Variants in TASOR2 observed in about 807,000 individuals in gnomAD.
The protein encoded by TASOR2 is transcription activation suppressor family member 2, also known as protein TASOR 2.
In TASOR2, 84 loss-of-function variants were observed where a neutral mutation model predicts 199.5. That is an observed-to-expected ratio of 0.42 (90% confidence interval 0.35 to 0.50). The LOEUF is 0.50. Among genes scored for constraint, TASOR2 ranks in the 20% least tolerant of loss-of-function variants. TASOR2 has a pLI of 0.02. For missense variants in TASOR2, 2,796 were observed against 2,835.9 expected, an observed-to-expected ratio of 0.99 and a Z score of 0.32; for synonymous variants, 1,103 against 1,046.6, an observed-to-expected ratio of 1.05 and a Z score of -1.04.
chr10:5,754,456 C>G lies in TASOR2; in HGVS notation c.6607-2157C>G, dbSNP rs990851143. On this transcript the variant is annotated intron_variant, in intron 15 of 20. Transcript: ENST00000328090. This position sits in a 1 kb window ranked among gnomAD's most constrained non-coding sequence, Gnocchi z 4.3. ...CCAGGCTGGAGTGCAGTGGCGCGAT[C>G]TCAGCTCACTGCAGCCTCCGTCTTC... Among the ~76,000 whole-genome samples, 1 of 151,874 alleles carries G rather than the reference C, an allele frequency of 6.6e-6. No homozygotes were observed. Among genetic ancestry groups the G allele is most frequent in the Non-Finnish European group, 1.5e-5 (1 of 68,006 alleles).
intron 15 of TASOR2, among the ~76,000 whole-genome samples, chr10:5,753,905 C>A: frequency 6.6e-6 from 1 of 152,108 alleles, no homozygotes; most frequent in East Asian, 1.9e-4. Flanking sequence ...CATCCTCTAC[C>A]CTGACATGAG....
intron 2 of TASOR2, among the ~76,000 whole-genome samples, chr10:5,715,327 C>T (rs913039849): frequency 1.3e-5 from 2 of 151,486 alleles, no homozygotes; most frequent in African/African-American, 2.4e-5. Context: ...TCATAACAGT[C>T]AATTTTAGAC....
rs1405593549 is a variant in TASOR2 at position 5,690,827 on chromosome 10, C to G, written c.-288+5652C>G. Among the ~76,000 whole-genome samples, 1 of 152,176 alleles carries G rather than the reference C, an allele frequency of 6.6e-6. No individual in the cohort carries two copies. The highest frequency in any genetic ancestry group is 1.5e-5 in the Non-Finnish European group (1 of 68,028). ...AAACCCAGTTGATGAGGAGCCAGAA[C>G]AATGGTCATTACTGTATAGAGATGT... On this transcript the variant is annotated intron_variant, in intron 1 of 20. Coordinates refer to ENST00000328090, the Ensembl canonical transcript of TASOR2. The surrounding 1 kb of genome is among the most constrained non-coding windows in gnomAD (Gnocchi z 4.8).
chr10:5,741,267 T>A (rs1836385779), intron 13 of TASOR2, among the ~76,000 whole-genome samples: 1 of 152,200 alleles, frequency 6.6e-6, no homozygotes, highest in South Asian at 2.1e-4. Flanking sequence ...TTACATATAT[T>A]GAGATGCACA....
At chr10:5,761,506 A>G (rs1473040246) in intron 19 of TASOR2, 35 bp downstream of exon 20, 1 of 1,587,758 alleles carries the variant, frequency 6.3e-7, no homozygotes, top group Admixed American at 1.7e-5. Context: ...AGTTAATGCC[A>G]AAATTGGTCA....
At chr10:5,761,872 A>G (rs901309292) in intron 19 of TASOR2, 1 of 154,020 alleles carries the variant, frequency 6.5e-6, no homozygotes, top group Non-Finnish European at 1.4e-5. Flanking sequence ...CATCTCTACT[A>G]AAAATACAAA....
Position 5,748,035 on chromosome 10 carries a change from C to T in TASOR2, c.4614C>T (p.Phe1538=), listed in dbSNP as rs774180479. 1 of 1,614,004 alleles carries T rather than the reference C, an allele frequency of 6.2e-7. No individual in the cohort carries two copies. Among genetic ancestry groups the T allele is most frequent in the Non-Finnish European group, 8.5e-7 (1 of 1,180,042 alleles). Residue 1538 remains phenylalanine, a synonymous_variant, in exon 15 of 21, where the codon TTC becomes TTT. Coordinates refer to ENST00000328090, the Ensembl canonical transcript of TASOR2. This position sits in a 1 kb window ranked among gnomAD's most constrained non-coding sequence, Gnocchi z 5.1. ...CAGCTGCCAAATGCACAGGTGACTT[C>T]AGTCCTTCTCCTGAAAAACTGGTAA...
intron 18 of TASOR2, among the ~76,000 whole-genome samples, chr10:5,760,380 G>T (rs1161477965): frequency 6.6e-6 from 1 of 152,190 alleles, no homozygotes; most frequent in Non-Finnish European, 1.5e-5. Flanking sequence ...CTGGCATTAT[G>T]TAACAGGCGT....
At position 5,752,324 on chromosome 10, in the gene TASOR2, T is replaced by C. The variant is rs111584750; in HGVS notation, c.6606+2297T>C. On this transcript the variant is annotated intron_variant, in intron 15 of 20. Transcript: ENST00000328090. This position sits in a 1 kb window ranked among gnomAD's most constrained non-coding sequence, Gnocchi z 4.4. ...TGCCACGAGGACGCATTGAGGGTGA[T>C]TGGCCTGGCCGGGGAGGTCTTTGCT... Among the ~76,000 whole-genome samples the C allele has an allele frequency of 0.012, 1,797 of 152,296 alleles. 18 individuals carry two copies. Among genetic ancestry groups the C allele is most frequent in the South Asian group, 0.019 (90 of 4,828 alleles).
In TASOR2 at chr10:5,748,120, C is replaced by A; in HGVS notation, c.4699C>A (p.Leu1567Ile). Residue 1567 changes from leucine (L) to isoleucine (I), a missense_variant, in exon 15 of 21, where the codon CTT (leucine) becomes ATT (isoleucine). By Grantham distance (5) the Leu-to-Ile change is conservative. Coordinates refer to ENST00000328090, the Ensembl canonical transcript of TASOR2. The surrounding 1 kb of genome is among the most constrained non-coding windows in gnomAD (Gnocchi z 5.1). ...GAATAGAAATTTGGACTTAAAACAT[C>A]TTGTCTTGGAGTCCAGTGAACCTCC... 6.2e-7 allele frequency: 1 copy of A among 1,614,188 alleles called. No homozygotes were observed. Among genetic ancestry groups the A allele is most frequent in the Non-Finnish European group, 8.5e-7 (1 of 1,180,032 alleles).
rs1183983010 is a variant in TASOR2 at position 5,723,043 on chromosome 10, CTTT to C, written c.147-610_147-608del. Among the ~76,000 whole-genome samples the C allele has an allele frequency of 5.2e-4, 38 of 72,908 alleles. 1 individual carries two copies. The highest frequency in any genetic ancestry group is 1.3e-3 in the Admixed American group (6 of 4,640). The allele number at this position is 72,908 out of a possible 152,430, so 47.8% of individuals were successfully genotyped here. Reference sequence around the variant, plus strand: ...AAAGGAAAAAGTAGTCAGGAAATAACTTTTTTTTTTTTTTTTTTTTTTTTTTGA... The same window carrying C: ...AAAGGAAAAAGTAGTCAGGAAATAACTTTTTTTTTTTTTTTTTTTTTTTGA... On this transcript the variant is annotated intron_variant, in intron 6 of 20. Transcript: ENST00000328090.
chr10:5,749,212 A>G, exon 15 of TASOR2: 1 of 1,614,144 alleles, frequency 6.2e-7, no homozygotes, highest in Non-Finnish European at 8.5e-7. Flanking sequence ...CTTCTCTATA[A>G]CAAAAGAACT....
chr10:5,748,656 G>A lies in TASOR2; in HGVS notation c.5235G>A (p.Leu1745=), dbSNP rs1292195888. 3 of 1,614,252 alleles carry A rather than the reference G, an allele frequency of 1.9e-6. No homozygotes were observed. In the South Asian group the frequency reaches 3.3e-5, roughly 18 times the overall value. Residue 1745 remains leucine (L), a synonymous_variant, in exon 15 of 21, where the codon TTG becomes TTA. Transcript: ENST00000328090. This position sits in a 1 kb window ranked among gnomAD's most constrained non-coding sequence, Gnocchi z 5.1. ...CAACATGTGAAACAAAGGAGCTATTGAATGTCGGGGTTTCCTCCCTTTGTG... is the reference window on the plus strand; with the variant it reads ...CAACATGTGAAACAAAGGAGCTATTAAATGTCGGGGTTTCCTCCCTTTGTG...
Position 5,685,128 on chromosome 10 carries a change from C to G in TASOR2, c.-335C>G, listed in dbSNP as rs975849146. The G allele has an allele frequency of 1.5e-5, 6 of 398,090 alleles. No homozygotes were observed. The highest frequency in any genetic ancestry group is 2.7e-5 in the Non-Finnish European group (6 of 225,702). The allele number at this position is 398,090 out of a possible 1,614,324, so 24.7% of individuals were successfully genotyped here. On this transcript the variant is annotated 5_prime_UTR_variant, in exon 1 of 21. Coordinates refer to ENST00000328090, the Ensembl canonical transcript of TASOR2. This position sits in a 1 kb window ranked among gnomAD's most constrained non-coding sequence, Gnocchi z 5.4. ...GCCGGGAGAAGCATGGGAAGGAGGC[C>G]GAGCCGGGATCTCAGGTCCTCGGGG...
At position 5,750,467 on chromosome 10, in the gene TASOR2, A is replaced by G. The variant is rs1349743027; in HGVS notation, c.6606+440A>G. Among the ~76,000 whole-genome samples, 1 of 152,242 alleles carries G rather than the reference A, an allele frequency of 6.6e-6. No individual in the cohort carries two copies. Among genetic ancestry groups the G allele is most frequent in the Non-Finnish European group, 1.5e-5 (1 of 68,040 alleles). ...GTTACGGTGAGTACATGGAGTACAT[A>G]GTCCTTAAATTTAAGTAATGGAACC... On this transcript the variant is annotated intron_variant, in intron 15 of 20. Coordinates refer to ENST00000328090, the Ensembl canonical transcript of TASOR2. This position sits in a 1 kb window ranked among gnomAD's most constrained non-coding sequence, Gnocchi z 5.4.
chr10:5,756,886 A>C lies in TASOR2; in HGVS notation c.6732+148A>C, dbSNP rs141856031. 1,049 of 705,038 alleles carry C rather than the reference A, an allele frequency of 1.5e-3. 7 individuals are homozygous for C. In the African/African-American group the frequency reaches 0.018, roughly 12 times the overall value. The allele number at this position is 705,038 out of a possible 1,614,324, so 43.7% of individuals were successfully genotyped here. Reference sequence around the variant, plus strand: ...AAGTGGGAAGATGGTGTATTATAGAATACTGCAATATTACCAAGTTATTTG... The same window carrying C: ...AAGTGGGAAGATGGTGTATTATAGACTACTGCAATATTACCAAGTTATTTG... On this transcript the variant is annotated intron_variant, in intron 16 of 20. Coordinates refer to ENST00000328090, the Ensembl canonical transcript of TASOR2.
chr10:5,700,751 A>G (rs1473580785), intron 1 of TASOR2, among the ~76,000 whole-genome samples: 1 of 150,660 alleles, frequency 6.6e-6, no homozygotes, highest in Admixed American at 6.6e-5. Flanking sequence ...GTTTATTCAG[A>G]TCTTTTGCCT....
At position 5,701,350 on chromosome 10, in the gene TASOR2, C is replaced by G. The variant is rs1171157249; in HGVS notation, c.-287-11473C>G. On this transcript the variant is annotated intron_variant, in intron 1 of 20. Transcript: ENST00000328090. This position sits in a 1 kb window ranked among gnomAD's most constrained non-coding sequence, Gnocchi z 4.9. The stretch of plus-strand genomic sequence containing the variant: ...CTTTGGTCTGTGTTTTGTTTTTATG[C>G]CAGTGCTGTAGCTTTGTAGTAAATT... Among the ~76,000 whole-genome samples, 1 of 151,940 alleles carries G rather than the reference C, an allele frequency of 6.6e-6. No homozygotes were observed. The highest frequency in any genetic ancestry group is 2.4e-5 in the African/African-American group (1 of 41,404).
chr10:5,735,620 A>G, intron 12 of TASOR2, 74 bp downstream of exon 13: 1 of 1,538,416 alleles, frequency 6.5e-7, no homozygotes, highest in Non-Finnish European at 8.7e-7. Flanking sequence ...AATTTATTGA[A>G]ATAGTGTAAG....
Sources: allele counts gnomAD v4.1 joint callset (sites outside exome capture counted in the v4.1 genomes callset), GRCh38; gene constraint gnomAD v4.1.1; non-coding constraint Gnocchi (gnomAD v3.1); transcripts MANE v1.5; gene names NCBI Gene and HGNC (gene_info 2026-07-23, HGNC 2026-07-21).